The following AFDN variants were observed in gnomAD, a reference collection of about 807,000 sequenced individuals.
AFDN encodes the protein afadin.
Under a neutral mutation model 216.6 loss-of-function variants are expected in AFDN, and 68 were observed. That is an observed-to-expected ratio of 0.31 (90% confidence interval 0.26 to 0.38). AFDN has a LOEUF of 0.38. Among genes scored for constraint, AFDN ranks in the 10% least tolerant of loss-of-function variants. The pLI, the probability that AFDN is intolerant of heterozygous loss-of-function variation, is 1.00. For synonymous variants in AFDN, 868 were observed against 853.7 expected, an observed-to-expected ratio of 1.02 and a Z score of -0.29; for missense variants, 2,136 against 2,342.0, an observed-to-expected ratio of 0.91 and a Z score of 1.82.
At chr6:167,831,741 G>C (rs540458723) in intron 1 of AFDN, among the ~76,000 whole-genome samples, 1 of 152,280 alleles carries the variant, frequency 6.6e-6, no homozygotes, top group Non-Finnish European at 1.5e-5. Context: ...CCAAATTGGT[G>C]AGAAGCTTAA....
chr6:167,953,090 T>C (rs971887409), intron 30 of AFDN, among the ~76,000 whole-genome samples: 8 of 152,244 alleles, frequency 5.3e-5, no homozygotes, highest in Admixed American at 3.9e-4. Flanking sequence ...GAGAATGCTA[T>C]TGACCATATT....
chr6:167,937,111 T>C (rs1156732477), intron 23 of AFDN, among the ~76,000 whole-genome samples: 1 of 152,090 alleles, frequency 6.6e-6, no homozygotes, highest in Non-Finnish European at 1.5e-5. Flanking sequence ...GAAAGGAGTG[T>C]GTACAGAAGG....
At chr6:167,916,282 C>A (rs182841768) in intron 19 of AFDN, among the ~76,000 whole-genome samples, 1 of 152,188 alleles carries the variant, frequency 6.6e-6, no homozygotes, top group African/African-American at 2.4e-5. Context: ...ACCAGCTGAT[C>A]TTGTTTTAAC....
chr6:167,900,367 C>T (rs78652105), intron 11 of AFDN, among the ~76,000 whole-genome samples: 1,699 of 152,200 alleles, frequency 0.011, 16 homozygotes, highest in Middle Eastern at 0.024. Flanking sequence ...TAGGGCCTCC[C>T]GGTGATACAC....
chr6:167,928,547 G>C (rs1170446582), intron 23 of AFDN, among the ~76,000 whole-genome samples: 3 of 152,242 alleles, frequency 2.0e-5, no homozygotes, highest in Non-Finnish European at 4.4e-5. Context: ...TTATGAACCT[G>C]GGAGGGAAGA....
In AFDN at chr6:167,889,288, G is replaced by C. The variant is rs1172431768; in HGVS notation, c.971G>C (p.Cys324Ser). Reference protein sequence around the residue: ...AKEIILDDDECPLQIFREWPS... With the variant: ...AKEIILDDDESPLQIFREWPS... ...GAAATTATTCTTGATGATGATGAGT[G>C]TCCTTTACAAATCTTCAGGGAATGG... The change falls in exon 7 of 34, where the codon TGT (cysteine) becomes TCT (serine). Residue 324 changes from cysteine to serine, a missense_variant. Around this residue, in one of 8 missense-constraint regions of AFDN, gnomAD observed 817 missense variants for 965.7 expected, o/e 0.85. Coordinates refer to ENST00000683244, the MANE Select transcript of AFDN (RefSeq NM_001386888.1). The C allele has an allele frequency of 1.9e-6, 3 of 1,613,808 alleles. No homozygotes were observed. Among genetic ancestry groups the C allele is most frequent in the Non-Finnish European group, 2.5e-6 (3 of 1,179,734 alleles).
rs1264009637 is a variant in AFDN, at chr6:167,969,919, A to G, written c.5480A>G (p.Glu1827Gly). The change falls in exon 34 of 34, where the codon GAA (glutamate) becomes GGA (glycine). Residue 1827 changes from glutamate (E) to glycine (G), a missense_variant. Coordinates refer to ENST00000683244, the MANE Select transcript of AFDN (RefSeq NM_001386888.1). Reference sequence around the variant, plus strand: ...CGTAAATTAACAGAACTGGAGAATGAACTGAACACAAAGTGAAAGAAAATG... The same window carrying G: ...CGTAAATTAACAGAACTGGAGAATGGACTGAACACAAAGTGAAAGAAAATG... ...ASRKLTELEN[E>G]LNTK The G allele has an allele frequency of 6.2e-7, 1 of 1,608,818 alleles. No individual in the cohort carries two copies. Among genetic ancestry groups the G allele is most frequent in the Non-Finnish European group, 8.5e-7 (1 of 1,178,632 alleles).
rs536145251 is a variant in AFDN at position 167,970,886 on chromosome 6, C to A, written c.*951C>A. 2 of 214,646 alleles carry A rather than the reference C, an allele frequency of 9.3e-6. No individual in the cohort carries two copies. Among genetic ancestry groups the A allele is most frequent in the East Asian group, 1.4e-4 (2 of 14,328 alleles). 13.3% of individuals were successfully genotyped at this position (214,646 alleles called of 1,614,324 possible). A position where few individuals can be genotyped will look rare whatever the true frequency, so the allele number is the denominator to read the frequency against. The stretch of plus-strand genomic sequence containing the variant: ...GAAATTTTAAATTTGAAAAAGAAAT[C>A]GATTTTCATCTGTATGCCGTCAAGG... On this transcript the variant is annotated 3_prime_UTR_variant, in exon 34 of 34. Transcript: ENST00000683244.
chr6:167,967,745 ACTT>A (rs769903426), intron 32 of AFDN, among the ~76,000 whole-genome samples: 5 of 152,034 alleles, frequency 3.3e-5, no homozygotes, highest in Non-Finnish European at 7.4e-5. Context: ...CTCTTTGAAG[ACTT>A]CTTCGTAATG....
chr6:167,901,809 G>T (rs1012427710), intron 11 of AFDN, among the ~76,000 whole-genome samples: 4 of 151,750 alleles, frequency 2.6e-5, no homozygotes, highest in African/African-American at 9.7e-5. Context: ...AAATATGATC[G>T]GGCCGGGCGT....
rs1795585905 is a variant in AFDN at position 167,948,417 on chromosome 6, C to G, written c.3770C>G (p.Pro1257Arg). The G allele has an allele frequency of 5.0e-6, 8 of 1,613,984 alleles. No individual in the cohort carries two copies. The change falls in exon 29 of 34, where the codon CCA becomes CGA. Residue 1257 changes from proline (P) to arginine (R), a missense_variant. Pro to Arg is a moderately radical substitution (Grantham distance 103). This residue lies in a region of AFDN where 981 missense variants were observed against 966.0 expected (regional missense o/e 1.02). Transcript: ENST00000683244. The stretch of plus-strand genomic sequence containing the variant: ...ATGGCTCCTCCTCAGAACCAGTGGC[C>G]AAATTATGAGGAAAAGCCACATATG... ...DRMAPPQNQW[P>R]NYEEKPHMHT...
intron 31 of AFDN, among the ~76,000 whole-genome samples, chr6:167,965,525 C>G (rs1365909759): frequency 6.6e-6 from 1 of 152,326 alleles, no homozygotes; most frequent in South Asian, 2.1e-4. Flanking sequence ...GCTGAGAATC[C>G]ATTCCATGCT....
intron 24 of AFDN, 73 bp from the exon 25 acceptor site, chr6:167,943,329 C>A: frequency 6.8e-7 from 1 of 1,473,950 alleles, no homozygotes; most frequent in South Asian, 1.1e-5. Flanking sequence ...ATCTACTCAT[C>A]ATTACCTTTT....
In AFDN at chr6:167,914,255, A is replaced by C; in HGVS notation, c.2146A>C (p.Ser716Arg). 1 of 1,614,214 alleles carries C rather than the reference A, an allele frequency of 6.2e-7. No homozygotes were observed. Among genetic ancestry groups the C allele is most frequent in the Non-Finnish European group, 8.5e-7 (1 of 1,180,030 alleles). Residue 716 changes from serine to arginine, a missense_variant, in exon 17 of 34, where the codon AGT (serine) becomes CGT (arginine). By Grantham distance (110) the Ser-to-Arg change is moderately radical. This residue lies in a region of AFDN where 817 missense variants were observed against 965.7 expected (regional missense o/e 0.85). Coordinates refer to ENST00000683244, the MANE Select transcript of AFDN (RefSeq NM_001386888.1). ...CTTCATTAAGCAAGACCGAGACCTT[A>C]GTCGGATCACACTGGATGCTCAAGA... ...LNFIKQDRDLSRITLDAQDVL... is the reference protein window; with the variant it reads ...LNFIKQDRDLRRITLDAQDVL...
chr6:167,873,859 G>A (rs1785049830), intron 4 of AFDN, among the ~76,000 whole-genome samples: 2 of 152,176 alleles, frequency 1.3e-5, no homozygotes, highest in Non-Finnish European at 2.9e-5. Context: ...TGTCCTGTAT[G>A]TATTGAGGAT....
intron 6 of AFDN, among the ~76,000 whole-genome samples, chr6:167,888,082 T>A (rs920371517): frequency 6.6e-6 from 1 of 152,212 alleles, no homozygotes; most frequent in Non-Finnish European, 1.5e-5. Context: ...TCTGGTTCCA[T>A]GTGACTTGGC....
intron 1 of AFDN, 35 bp downstream of exon 1, chr6:167,827,272 C>G (rs1475076361): frequency 1.2e-5 from 11 of 915,238 alleles, no homozygotes; most frequent in Non-Finnish European, 1.3e-5. Flanking sequence ...TGCGCGACCC[C>G]CGCCCGCTGC....
chr6:167,935,869 G>T (rs1793934205), intron 23 of AFDN, among the ~76,000 whole-genome samples: 2 of 150,912 alleles, frequency 1.3e-5, no homozygotes, highest in South Asian at 4.2e-4. Context: ...CATATTATCT[G>T]CATAATTGTA....
intron 1 of AFDN, among the ~76,000 whole-genome samples, chr6:167,833,878 T>C (rs988930911): frequency 6.6e-6 from 1 of 152,202 alleles, no homozygotes; most frequent in Non-Finnish European, 1.5e-5. Flanking sequence ...TGAGGACATA[T>C]CTTTCAAATA....
Sources: gnomAD v4.1 joint callset for allele counts (sites outside exome capture counted in the v4.1 genomes callset) on GRCh38, gnomAD v4.1.1 for gene constraint, gnomAD v4.1.1 regional missense constraint, MANE v1.5 for transcripts, NCBI Gene and HGNC (gene_info 2026-07-23, HGNC 2026-07-21) for gene names.